The following TBC1D22A variants were observed in gnomAD, a reference collection of about 807,000 sequenced individuals.
TBC1D22A encodes the protein TBC1 domain family member 22A.
Under a neutral mutation model 60.2 loss-of-function variants are expected in TBC1D22A, and 38 were observed. The observed-to-expected ratio is 0.63, with a 90% CI of 0.49 to 0.83. The LOEUF is 0.83. Ranked by LOEUF, TBC1D22A falls within the 40% of genes least tolerant of loss-of-function variation. The pLI, the probability that TBC1D22A is intolerant of heterozygous loss-of-function variation, is 0.00. For synonymous variants in TBC1D22A, 302 were observed against 281.7 expected (o/e 1.07, Z -0.72); for missense variants, 628 against 701.0 (o/e 0.90, Z 1.18).
At chr22:47,103,648 A>T (rs1014454956) in intron 11 of TBC1D22A, among the ~76,000 whole-genome samples, 1 of 152,176 alleles carries the variant, frequency 6.6e-6, no homozygotes, top group Non-Finnish European at 1.5e-5. Flanking sequence ...AGAATGGGAT[A>T]TAGGAGTCGC....
At chr22:47,029,209 G>A (rs1184574121) in intron 10 of TBC1D22A, among the ~76,000 whole-genome samples, 6 of 145,180 alleles carry the variant, frequency 4.1e-5, no homozygotes, top group South Asian at 4.3e-4. Flanking sequence ...GGGACACAGC[G>A]CTTCCATACC....
At chr22:47,126,968 G>A (rs1601597394) in intron 12 of TBC1D22A, among the ~76,000 whole-genome samples, 1 of 152,318 alleles carries the variant, frequency 6.6e-6, no homozygotes, top group Non-Finnish European at 1.5e-5. Context: ...CAGAGCTACC[G>A]ATTTTTCACA....
In TBC1D22A at chr22:47,009,540, G is replaced by T. The variant is rs57199166; in HGVS notation, c.1201+11831G>T. Among the ~76,000 whole-genome samples the T allele has an allele frequency of 0.05, 7,249 of 144,152 alleles. 544 individuals are homozygous for T. The highest frequency in any genetic ancestry group is 0.18 in the African/African-American group (6,911 of 38,618). The allele number at this position is 144,152 out of a possible 152,430, so 94.6% of individuals were successfully genotyped here. A position where few individuals can be genotyped will look rare whatever the true frequency, so the allele number is the denominator to read the frequency against. ...CTTCACCATCACCATCATCATCATT[G>T]CCATCATCACCATCATTACGTCATC... On this transcript the variant is annotated intron_variant, in intron 10 of 12. Transcript: ENST00000337137. The surrounding 1 kb of genome is among the most constrained non-coding windows in gnomAD (Gnocchi z 5.8).
At position 47,084,279 on chromosome 22, in the gene TBC1D22A, A is replaced by T. The variant is rs141156859; in HGVS notation, c.1330-27229A>T. Reference sequence around the variant, plus strand: ...ACAGTATTGGGCAGCACAGATGTAGACATTCCCATCATTGCAGAATTCTTC... The same window carrying T: ...ACAGTATTGGGCAGCACAGATGTAGTCATTCCCATCATTGCAGAATTCTTC... On this transcript the variant is annotated intron_variant, in intron 11 of 12. Transcript: ENST00000337137. 5.5e-3 allele frequency among the ~76,000 whole-genome samples: 835 copies of T among 152,352 alleles called. 15 individuals are homozygous for T. Among genetic ancestry groups the T allele is most frequent in the Admixed American group, 0.049 (749 of 15,306 alleles).
intron 4 of TBC1D22A, among the ~76,000 whole-genome samples, chr22:46,810,282 C>G (rs963671064): frequency 1.3e-5 from 2 of 152,188 alleles, no homozygotes; most frequent in African/African-American, 4.8e-5. Context: ...AAATAAATCT[C>G]CTTCGCTCCC....
intron 7 of TBC1D22A, among the ~76,000 whole-genome samples, chr22:46,900,975 C>A (rs1381068204): frequency 2.0e-5 from 3 of 152,166 alleles, no homozygotes; most frequent in Non-Finnish European, 4.4e-5. Flanking sequence ...AAGGAAGGTG[C>A]CTTGCTCTTA....
rs149691799 is a variant in TBC1D22A at position 46,822,427 on chromosome 22, G to T, written c.637+24807G>T. Among the ~76,000 whole-genome samples the T allele has an allele frequency of 1.5e-3, 222 of 151,910 alleles. 5 individuals are homozygous for T. In the East Asian group the frequency reaches 0.022, roughly 15 times the overall value. ...CTGACCCTTAGTTGGGGTTTTTTTT[G>T]GGGGACTTTTTGTTGTTGATGTTGT... On this transcript the variant is annotated intron_variant, in intron 4 of 12. Coordinates refer to ENST00000337137, the MANE Select transcript of TBC1D22A (RefSeq NM_014346.5).
At chr22:47,080,791 C>T (rs2064429689) in intron 11 of TBC1D22A, among the ~76,000 whole-genome samples, 1 of 151,894 alleles carries the variant, frequency 6.6e-6, no homozygotes, top group African/African-American at 2.4e-5. Flanking sequence ...AATGGGCAAG[C>T]AATGGAGGAG....
intron 11 of TBC1D22A, among the ~76,000 whole-genome samples, chr22:47,038,642 G>C (rs1686564537): frequency 6.6e-6 from 1 of 152,238 alleles, no homozygotes; most frequent in Non-Finnish European, 1.5e-5. Flanking sequence ...CCTGACACCG[G>C]TTGCTGGTCA....
chr22:46,798,719 A>G (rs1294921176), intron 4 of TBC1D22A, among the ~76,000 whole-genome samples: 1 of 152,222 alleles, frequency 6.6e-6, no homozygotes, highest in Non-Finnish European at 1.5e-5. Context: ...TCACACAGTT[A>G]TGACTGGTGT....
intron 8 of TBC1D22A, 73 bp downstream of exon 8, chr22:46,912,261 A>G (rs937649855): frequency 4.6e-6 from 5 of 1,085,916 alleles, no homozygotes; most frequent in Non-Finnish European, 6.9e-6. Context: ...AATTATAACA[A>G]TATTGAAAAT....
chr22:47,156,061 C>T (rs1260488108), intron 12 of TBC1D22A, among the ~76,000 whole-genome samples: 1 of 152,122 alleles, frequency 6.6e-6, no homozygotes, highest in Non-Finnish European at 1.5e-5. Context: ...GCTGGTGAGC[C>T]CCCTCCCCAC....
chr22:46,901,535 G>A (rs1160794040), intron 7 of TBC1D22A, among the ~76,000 whole-genome samples: 1 of 152,164 alleles, frequency 6.6e-6, no homozygotes, highest in Non-Finnish European at 1.5e-5. Flanking sequence ...CACCAAATGT[G>A]GCATTTCTGC....
At chr22:46,951,510 G>T (rs2072900875) in intron 8 of TBC1D22A, among the ~76,000 whole-genome samples, 1 of 152,208 alleles carries the variant, frequency 6.6e-6, no homozygotes, top group African/African-American at 2.4e-5. Flanking sequence ...TGTGCTAAGA[G>T]AGTGATGGGA....
At chr22:46,941,291 A>G (rs562516917) in intron 8 of TBC1D22A, among the ~76,000 whole-genome samples, 22 of 149,960 alleles carry the variant, frequency 1.5e-4, no homozygotes, top group African/African-American at 5.4e-4. Flanking sequence ...ATATATGTAT[A>G]TACACAGTCT....
At chr22:46,917,027 A>G (rs60360425) in intron 8 of TBC1D22A, among the ~76,000 whole-genome samples, 13,086 of 152,252 alleles carry the variant, frequency 0.086, 1,060 homozygotes, top group African/African-American at 0.21. Flanking sequence ...GATCAGAGCC[A>G]AGCGTGCGTG....
chr22:47,109,077 A>G (rs2065748931), intron 11 of TBC1D22A, among the ~76,000 whole-genome samples: 1 of 152,256 alleles, frequency 6.6e-6, no homozygotes, highest in Non-Finnish European at 1.5e-5. Flanking sequence ...ACTGATAGGT[A>G]GTTTTAGTCA....
At chr22:47,090,058 G>A (rs749989147) in intron 11 of TBC1D22A, among the ~76,000 whole-genome samples, 39 of 152,158 alleles carry the variant, frequency 2.6e-4, no homozygotes, top group Non-Finnish European at 5.3e-4. Flanking sequence ...CCCGCCGTGC[G>A]CAGCGGTCCC....
intron 4 of TBC1D22A, among the ~76,000 whole-genome samples, chr22:46,848,607 G>A (rs1477438792): frequency 6.6e-6 from 1 of 152,166 alleles, no homozygotes; most frequent in Non-Finnish European, 1.5e-5. Flanking sequence ...TGGTACAAAT[G>A]TTATTGCCTT....
Sources: gnomAD v4.1 joint callset for allele counts (sites outside exome capture counted in the v4.1 genomes callset) on GRCh38, gnomAD v4.1.1 for gene constraint, Gnocchi (gnomAD v3.1) non-coding constraint, MANE v1.5 for transcripts, NCBI Gene and HGNC (gene_info 2026-07-23, HGNC 2026-07-21) for gene names.